CCDC146: variants seen among roughly 807,000 people sequenced by gnomAD.
CCDC146 encodes the protein coiled-coil domain-containing protein 146.
In CCDC146, 92 loss-of-function variants were observed where a neutral mutation model predicts 119.3. The observed-to-expected ratio is 0.77, with a 90% CI of 0.65 to 0.92. CCDC146 has a LOEUF of 0.92. Ranked by LOEUF, CCDC146 falls within the 40% of genes least tolerant of loss-of-function variation. The pLI, the probability that CCDC146 is intolerant of heterozygous loss-of-function variation, is 0.00. For synonymous variants in CCDC146, 372 were observed against 371.8 expected (o/e 1.00, Z -0.01); for missense variants, 1,000 against 1,103.0 (o/e 0.91, Z 1.32).
intron 2 of CCDC146, chr7:77,193,680 A>C (rs1055272149): frequency 6.6e-6 from 1 of 152,136 alleles, no homozygotes; most frequent in Admixed American, 6.5e-5. Context: ...TATTATCAGT[A>C]AAATTTGATT....
At chr7:77,231,657 T>C (rs983605342) in intron 2 of CCDC146, among the ~76,000 whole-genome samples, 1 of 152,140 alleles carries the variant, frequency 6.6e-6, no homozygotes, top group African/African-American at 2.4e-5. Flanking sequence ...AAATTTCTTC[T>C]TACTGACAAT....
intron 18 of CCDC146, among the ~76,000 whole-genome samples, chr7:77,293,496 G>A (rs1793990139): frequency 6.6e-6 from 1 of 152,186 alleles, no homozygotes. Flanking sequence ...TGACCAGGCT[G>A]GCACTGGCCT....
At chr7:77,168,322 G>A (rs1791369180) in intron 2 of CCDC146, among the ~76,000 whole-genome samples, 1 of 150,854 alleles carries the variant, frequency 6.6e-6, no homozygotes, top group Non-Finnish European at 1.5e-5. Flanking sequence ...AAAGCAAGAT[G>A]AACATTTAGG....
chr7:77,173,559 G>A (rs936746289), intron 2 of CCDC146, among the ~76,000 whole-genome samples: 2 of 152,108 alleles, frequency 1.3e-5, no homozygotes, highest in African/African-American at 4.8e-5. Context: ...AACCTGGGAG[G>A]CAGAGGTTGC....
At chr7:77,187,077 C>A (rs914210310) in intron 2 of CCDC146, among the ~76,000 whole-genome samples, 7 of 152,128 alleles carry the variant, frequency 4.6e-5, no homozygotes, top group African/African-American at 1.7e-4. Flanking sequence ...CCTTCTCAGG[C>A]CATATTTAGT....
chr7:77,187,926 G>A (rs1021512156), intron 2 of CCDC146, among the ~76,000 whole-genome samples: 6 of 152,074 alleles, frequency 3.9e-5, no homozygotes, highest in African/African-American at 1.2e-4. Context: ...GCATAGACCC[G>A]TAACAATAGC....
intron 9 of CCDC146, among the ~76,000 whole-genome samples, chr7:77,271,476 ATT>A (rs59893969): frequency 0.58 from 67,298 of 116,066 alleles, 20,915 homozygotes; most frequent in South Asian, 0.67. Context: ...TCCCCTTTTT[ATT>A]TTATATATAT....
chr7:77,138,090 G>A (rs566004833), intron 1 of CCDC146, among the ~76,000 whole-genome samples: 9 of 151,706 alleles, frequency 5.9e-5, no homozygotes, highest in Non-Finnish European at 8.8e-5. Context: ...GAGATAGAGA[G>A]GAAGGAAGCT....
chr7:77,226,556 A>G (rs12672098), intron 2 of CCDC146, among the ~76,000 whole-genome samples: 10,382 of 152,276 alleles, frequency 0.068, 717 homozygotes, highest in East Asian at 0.28. Flanking sequence ...TGAATCATGA[A>G]CTCTTTTTAA....
At chr7:77,153,739 A>G (rs1243012124) in intron 1 of CCDC146, among the ~76,000 whole-genome samples, 1 of 148,928 alleles carries the variant, frequency 6.7e-6, no homozygotes, top group African/African-American at 2.5e-5. Flanking sequence ...TTTGGAAAAC[A>G]GTTTGGCAGT....
intron 2 of CCDC146, among the ~76,000 whole-genome samples, chr7:77,192,886 G>A (rs1791796011): frequency 1.3e-5 from 2 of 152,062 alleles, no homozygotes; most frequent in African/African-American, 2.4e-5. Context: ...TCTCGCCATT[G>A]CACTCCAGCC....
At chr7:77,161,553 C>A (rs914808998) in intron 1 of CCDC146, among the ~76,000 whole-genome samples, 2 of 148,052 alleles carry the variant, frequency 1.4e-5, no homozygotes, top group East Asian at 4.0e-4. Context: ...AACCAAACAC[C>A]GCATATTCTC....
intron 1 of CCDC146, among the ~76,000 whole-genome samples, chr7:77,160,196 G>T (rs1791239695): frequency 6.6e-6 from 1 of 152,160 alleles, no homozygotes. Context: ...TTGAAGTCAG[G>T]TAGCGTGATG....
At chr7:77,278,688 T>A (rs1793703753) in intron 11 of CCDC146, 64 bp from the exon 12 acceptor site, 1 of 1,090,696 alleles carries the variant, frequency 9.2e-7, no homozygotes, top group Admixed American at 2.1e-5. Context: ...AAGGGAATGA[T>A]GTGGGATAAA....
In CCDC146 at chr7:77,246,383, C is replaced by T. The variant is rs549204592; in HGVS notation, c.449+4483C>T. On this transcript the variant is annotated intron_variant, in intron 4 of 18. Coordinates refer to ENST00000285871, the MANE Select transcript of CCDC146 (RefSeq NM_020879.3). ...CAGCATATCGGGCTTCCTGCATTAT[C>T]TCTTCACCCATAGATCCTTAAAACC... 5 of 152,370 alleles carry T rather than the reference C, an allele frequency of 3.3e-5. No individual in the cohort carries two copies. The South Asian group carries it at 1.0e-3, about 32-fold the overall frequency. 9.4% of individuals were successfully genotyped at this position (152,370 alleles called of 1,614,324 possible). A position where few individuals can be genotyped will look rare whatever the true frequency, so the allele number is the denominator to read the frequency against.
intron 2 of CCDC146, chr7:77,198,186 T>G (rs1257215459): frequency 2.0e-6 from 2 of 985,314 alleles, no homozygotes; most frequent in African/African-American, 3.5e-5. Context: ...CCAGGAGTAT[T>G]ACCAATAGAG....
At chr7:77,193,962 C>A (rs1791819576) in intron 2 of CCDC146, 1 of 152,426 alleles carries the variant, frequency 6.6e-6, no homozygotes. Context: ...TTATAAAAGT[C>A]TAGAATTATT....
intron 11 of CCDC146, among the ~76,000 whole-genome samples, chr7:77,276,283 T>G (rs952584543): frequency 6.6e-6 from 1 of 152,008 alleles, no homozygotes; most frequent in Non-Finnish European, 1.5e-5. Flanking sequence ...CATCCCTTGT[T>G]CTCAGTCTAA....
intron 14 of CCDC146, 185 bp from the exon 15 acceptor site, chr7:77,282,372 C>G (rs1479138635): frequency 3.5e-6 from 2 of 563,466 alleles, no homozygotes; most frequent in South Asian, 2.5e-5. Context: ...AGTAACCCTC[C>G]TATCCCTAGA....
Sources: allele counts gnomAD v4.1 joint callset (sites outside exome capture counted in the v4.1 genomes callset), GRCh38; gene constraint gnomAD v4.1.1; transcripts MANE v1.5; gene names NCBI Gene and HGNC (gene_info 2026-07-23, HGNC 2026-07-21).